DNAH9: variants seen among roughly 807,000 people sequenced by gnomAD.
The protein encoded by DNAH9 is DNAH9 variant protein.
A neutral mutation model predicts 471.6 loss-of-function variants in DNAH9; 345 were observed. That is an observed-to-expected ratio of 0.73 (90% CI 0.67 to 0.80). The LOEUF (loss-of-function observed/expected upper bound fraction) is 0.80. DNAH9 is among the 30% of genes least tolerant of loss of function. The pLI is 0.00. For synonymous variants in DNAH9, 2,093 were observed against 2,123.6 expected, an observed-to-expected ratio of 0.99 and a Z score of 0.40; for missense variants, 5,407 against 5,609.2, an observed-to-expected ratio of 0.96 and a Z score of 1.15.
At chr17:11,698,471 A>G (rs560295349) in intron 22 of DNAH9, among the ~76,000 whole-genome samples, 1 of 149,624 alleles carries the variant, frequency 6.7e-6, no homozygotes, top group African/African-American at 2.5e-5. Context: ...CATAGGTTCT[A>G]TATTGTTGTT....
At chr17:11,762,770 G>GTTGTTGTTTTTTTTTTT (rs1967746481) in intron 35 of DNAH9, among the ~76,000 whole-genome samples, 3 of 90,744 alleles carry the variant, frequency 3.3e-5, no homozygotes, top group Non-Finnish European at 6.6e-5. Context: ...TTTTTTTTTT[G>GTTGTTGTTTTTTTTTTT]TTTTTTTTTT....
intron 45 of DNAH9, among the ~76,000 whole-genome samples, chr17:11,812,058 C>CATAA (rs1491131591): frequency 1.0e-5 from 1 of 97,354 alleles, no homozygotes. Flanking sequence ...TATATATACA[C>CATAA]ATACATACAC....
At chr17:11,963,737 C>T (rs1042015743) in intron 68 of DNAH9, among the ~76,000 whole-genome samples, 2 of 152,088 alleles carry the variant, frequency 1.3e-5, no homozygotes, top group Non-Finnish European at 2.9e-5. Context: ...GCTTACCATT[C>T]TAGTGGATAT....
At chr17:11,736,561 C>A (rs2075350730) in intron 28 of DNAH9, among the ~76,000 whole-genome samples, 1 of 152,196 alleles carries the variant, frequency 6.6e-6, no homozygotes, top group Non-Finnish European at 1.5e-5. Context: ...GGACCCTGAT[C>A]ATTGTTATGT....
chr17:11,818,214 A>G (rs1360110163), intron 45 of DNAH9, among the ~76,000 whole-genome samples: 1 of 152,178 alleles, frequency 6.6e-6, no homozygotes, highest in Admixed American at 6.5e-5. Flanking sequence ...GCGGATCACA[A>G]GGTCAGGAGA....
At chr17:11,635,571 G>A (rs149762832) in intron 8 of DNAH9, among the ~76,000 whole-genome samples, 33 of 152,070 alleles carry the variant, frequency 2.2e-4, no homozygotes, top group Admixed American at 1.4e-3. Flanking sequence ...GCTGTACTTC[G>A]TCACCCTCTG....
intron 66 of DNAH9, among the ~76,000 whole-genome samples, chr17:11,939,807 CATGGATGGATGG>C (rs57669174): frequency 1.3e-4 from 19 of 147,294 alleles, no homozygotes; most frequent in Admixed American, 3.4e-4. Flanking sequence ...ATGTTAGATA[CATGGATGGATGG>C]ATGGATGGAT....
chr17:11,963,488 A>G (rs1374444500), intron 68 of DNAH9, among the ~76,000 whole-genome samples: 1 of 152,098 alleles, frequency 6.6e-6, no homozygotes. Flanking sequence ...TATGGGAACA[A>G]TAGACACTGG....
At chr17:11,851,679 A>G (rs1442324837) in intron 49 of DNAH9, among the ~76,000 whole-genome samples, 1 of 152,174 alleles carries the variant, frequency 6.6e-6, no homozygotes, top group Non-Finnish European at 1.5e-5. Flanking sequence ...AAGTCCACAG[A>G]GCCCTGCCGA....
intron 63 of DNAH9, among the ~76,000 whole-genome samples, chr17:11,931,674 C>A (rs1974512800): frequency 6.6e-6 from 1 of 152,160 alleles, no homozygotes; most frequent in Admixed American, 6.5e-5. Flanking sequence ...GGTGCCATGG[C>A]ATGTGCACCC....
At chr17:11,598,948 A>C in intron 1 of DNAH9, 33 bp downstream of exon 1, 1 of 1,109,534 alleles carries the variant, frequency 9.0e-7, no homozygotes, top group Non-Finnish European at 1.1e-6. Flanking sequence ...GCGCGGCTAA[A>C]GCTGGGTGGG....
intron 22 of DNAH9, among the ~76,000 whole-genome samples, chr17:11,697,263 A>G (rs1163699300): frequency 6.6e-6 from 1 of 152,144 alleles, no homozygotes; most frequent in Non-Finnish European, 1.5e-5. Flanking sequence ...AATTCCTTCT[A>G]TATCTGTGAC....
chr17:11,916,931 C>CAATTAAT (rs1044353347), intron 61 of DNAH9, among the ~76,000 whole-genome samples: 2 of 152,102 alleles, frequency 1.3e-5, no homozygotes, highest in Non-Finnish European at 2.9e-5. Context: ...ATCCATTGGC[C>CAATTAAT]AATTAATAAT....
Position 11,937,334 on chromosome 17 carries a change from C to G in DNAH9, c.12490-18C>G. The G allele has an allele frequency of 1.3e-6, 2 of 1,592,178 alleles. No individual in the cohort carries two copies. The highest frequency in any genetic ancestry group is 1.7e-6 in the Non-Finnish European group (2 of 1,167,752). On this transcript the variant is annotated intron_variant, in intron 65 of 68. Transcript: ENST00000262442. This position sits in a 1 kb window ranked among gnomAD's most constrained non-coding sequence, Gnocchi z 4.1. The stretch of plus-strand genomic sequence containing the variant: ...ACGTCCTGGTTTCTTTTTAAGTGAG[C>G]TTGCCCTTGATTTTCAGTACATCGA...
chr17:11,660,319 C>CTTTTTTTT (rs1208889792), intron 14 of DNAH9, among the ~76,000 whole-genome samples: 6 of 97,506 alleles, frequency 6.2e-5, no homozygotes, highest in Non-Finnish European at 7.9e-5. Flanking sequence ...TTAAATGTTT[C>CTTTTTTTT]TTTTTTTTTT....
intron 43 of DNAH9, among the ~76,000 whole-genome samples, chr17:11,806,226 A>G (rs1038621444): frequency 3.9e-5 from 6 of 152,224 alleles, no homozygotes; most frequent in African/African-American, 7.2e-5. Context: ...CTTTTGATCA[A>G]TTCTACCCAG....
At chr17:11,683,637 T>C (rs1229129328) in intron 19 of DNAH9, among the ~76,000 whole-genome samples, 1 of 152,242 alleles carries the variant, frequency 6.6e-6, no homozygotes, top group African/African-American at 2.4e-5. Flanking sequence ...ATTTTGTGTA[T>C]TGATCAACTC....
rs540421728 is a variant in DNAH9, at chr17:11,856,854, C to T, written c.9933+2426C>T. Among the ~76,000 whole-genome samples, 7 of 152,188 alleles carry T rather than the reference C, an allele frequency of 4.6e-5. No homozygotes were observed. The South Asian group carries it at 1.5e-3, about 32-fold the overall frequency. ...TCAAAGAACATCACATGCAAGACAC[C>T]GTCACATCCCCATTCCTGAATTTAT... On this transcript the variant is annotated intron_variant, in intron 50 of 68. Transcript: ENST00000262442.
intron 40 of DNAH9, 44 bp from the exon 41 acceptor site, chr17:11,784,256 C>G (rs1373429607): frequency 6.2e-7 from 1 of 1,606,564 alleles, no homozygotes. Flanking sequence ...GATTTCTACT[C>G]CGTGGTAACG....
Sources: allele counts gnomAD v4.1 joint callset (sites outside exome capture counted in the v4.1 genomes callset), GRCh38; gene constraint gnomAD v4.1.1; non-coding constraint Gnocchi (gnomAD v3.1); transcripts MANE v1.5; gene names NCBI Gene and HGNC (gene_info 2026-07-23, HGNC 2026-07-21).